The following RASIP1 variants were observed in gnomAD, a reference collection of about 807,000 sequenced individuals.
The protein encoded by RASIP1 is ras-interacting protein 1.
Under a neutral mutation model 85.3 loss-of-function variants are expected in RASIP1, and 20 were observed. The observed-to-expected ratio is 0.23, with a 90% CI of 0.17 to 0.34. The LOEUF (loss-of-function observed/expected upper bound fraction) is 0.34. Among genes scored for constraint, RASIP1 ranks in the 10% least tolerant of loss-of-function variants. The probability of loss-of-function intolerance (pLI) is 1.00; values close to 1 mark genes in which losing one functional copy is unlikely to be tolerated. For synonymous variants in RASIP1, 617 were observed against 647.1 expected (o/e 0.95, Z 0.71); for missense variants, 1,170 against 1,390.9 (o/e 0.84, Z 2.53).
At position 48,729,006 on chromosome 19, in the gene RASIP1, A is replaced by G. The variant is rs1599739071; in HGVS notation, c.1764T>C (p.Arg588=). 1 of 1,451,944 alleles carries G rather than the reference A, an allele frequency of 6.9e-7. No homozygotes were observed. The highest frequency in any genetic ancestry group is 9.0e-7 in the Non-Finnish European group (1 of 1,111,254). 89.9% of individuals were successfully genotyped at this position (1,451,944 alleles called of 1,614,324 possible). ...GTGGCAGGTGGCCCAGCTCCAGCTCACGGGCGGAATGCTGCACGCACAGCG... is the reference window on the plus strand; with the variant it reads ...GTGGCAGGTGGCCCAGCTCCAGCTCGCGGGCGGAATGCTGCACGCACAGCG... ...LLALCVQHSA[R]ELELGHLPRL... Residue 588 remains arginine (R), a synonymous_variant, in exon 5 of 12, where the codon CGT becomes CGC. Transcript: ENST00000222145.
chr19:48,729,709 CTTTTTTTTTTTTTTT>C (rs35424254), intron 4 of RASIP1, 119 bp from the exon 5 acceptor site: 2 of 295,836 alleles, frequency 6.8e-6, no homozygotes, highest in East Asian at 1.1e-4. Context: ...CCTTCTTCTT[CTTTTTTTTTTTTTTT>C]TTTTTTTTGA....
At chr19:48,722,847 T>G (rs1461878562) in intron 10 of RASIP1, among the ~76,000 whole-genome samples, 1 of 152,156 alleles carries the variant, frequency 6.6e-6, no homozygotes, top group Non-Finnish European at 1.5e-5. Flanking sequence ...TGTAAAGTAC[T>G]TGGAACACTG....
Position 48,739,114 on chromosome 19 carries a change from C to A in RASIP1, c.669G>T (p.Ala223=). The A allele has an allele frequency of 7.5e-7, 1 of 1,333,516 alleles. No individual in the cohort carries two copies. The highest frequency in any genetic ancestry group is 2.0e-5 in the South Asian group (1 of 51,108). 82.6% of individuals were successfully genotyped at this position (1,333,516 alleles called of 1,614,324 possible). The change falls in exon 3 of 12, where the codon GCG becomes GCT. Residue 223 remains alanine, a synonymous_variant. Transcript: ENST00000222145. The surrounding 1 kb of genome is among the most constrained non-coding windows in gnomAD (Gnocchi z 9.2). ...AAGVGSGEWR[A]EHLRVLGDSE... is the part of the protein sequence containing the mutation. Reference sequence around the variant, plus strand: ...AGTCGCCCAGCACGCGCAGGTGCTCCGCCCGCCACTCGCCGCTTCCCACGC... The same window carrying A: ...AGTCGCCCAGCACGCGCAGGTGCTCAGCCCGCCACTCGCCGCTTCCCACGC...
Position 48,735,509 on chromosome 19 carries a change from C to A in RASIP1, c.866G>T (p.Arg289Leu). 4 of 1,549,784 alleles carry A rather than the reference C, an allele frequency of 2.6e-6. No individual in the cohort carries two copies. Among genetic ancestry groups the A allele is most frequent in the Non-Finnish European group, 3.5e-6 (4 of 1,146,418 alleles). ...PSWRPQKNRS[R>L]AASGGAALAS... ...CAGCGCTGCCCCACCCGACGCCGCC[C>A]GGGAGCGGTTCTTCTGTGGCCGCCA... The change falls in exon 4 of 12, where the codon CGG (arginine) becomes CTG (leucine). Residue 289 changes from arginine to leucine, a missense_variant. By Grantham distance (102) the Arg-to-Leu change is moderately radical. Coordinates refer to ENST00000222145, the MANE Select transcript of RASIP1 (RefSeq NM_017805.3).
intron 6 of RASIP1, 48 bp downstream of exon 6, chr19:48,727,345 C>T: frequency 6.2e-7 from 1 of 1,602,698 alleles, no homozygotes; most frequent in Non-Finnish European, 8.5e-7. Context: ...AGACGCAAAA[C>T]CCAACCCCTG....
rs2033353929 is a variant in RASIP1 at position 48,727,043 on chromosome 19, TCTC to T, written c.1984_1986del (p.Glu662del). On this transcript the variant is annotated inframe_deletion, in exon 7 of 12. Transcript: ENST00000222145. ...GCCTCCTTCTCCATTTCCAGCACCT[TCTC>T]CTGCACAAAGCTAAGCAGCTCCGTG... 2 of 1,614,052 alleles carry T rather than the reference TCTC, an allele frequency of 1.2e-6. No homozygotes were observed. The highest frequency in any genetic ancestry group is 1.7e-6 in the Non-Finnish European group (2 of 1,180,020).
At chr19:48,726,921 C>T (rs1400567544) in intron 7 of RASIP1, 33 bp from the exon 8 acceptor site, 1 of 1,608,960 alleles carries the variant, frequency 6.2e-7, no homozygotes, top group East Asian at 2.2e-5. Flanking sequence ...GAGGGAGAAC[C>T]AGAAGTCGGC....
At chr19:48,732,278 C>T (rs902044478) in intron 4 of RASIP1, among the ~76,000 whole-genome samples, 4 of 148,858 alleles carry the variant, frequency 2.7e-5, no homozygotes, top group African/African-American at 7.4e-5. Context: ...TTTTTTAAGA[C>T]GGAGTCTCTC....
At chr19:48,726,734 G>A (rs762152540) in intron 8 of RASIP1, 51 bp downstream of exon 8, 4 of 1,389,570 alleles carry the variant, frequency 2.9e-6, no homozygotes, top group Non-Finnish European at 4.0e-6. Context: ...GATATTACGT[G>A]AAACAGGAAG....
At chr19:48,728,808 T>G (rs1599738760) in intron 5 of RASIP1, 129 bp downstream of exon 5, 2 of 1,057,660 alleles carry the variant, frequency 1.9e-6, no homozygotes, top group Non-Finnish European at 2.5e-6. Flanking sequence ...AAACCCCAAA[T>G]CCTTCCCGAG....
Position 48,724,846 on chromosome 19 carries a change from G to A in RASIP1, c.2242C>T (p.Leu748=). 6.2e-7 allele frequency: 1 copy of A among 1,614,246 alleles called. No homozygotes were observed. The highest frequency in any genetic ancestry group is 8.5e-7 in the Non-Finnish European group (1 of 1,180,048). The change falls in exon 9 of 12, where the codon CTG becomes TTG. Residue 748 remains leucine (L), a synonymous_variant. Coordinates refer to ENST00000222145, the MANE Select transcript of RASIP1 (RefSeq NM_017805.3). This position sits in a 1 kb window ranked among gnomAD's most constrained non-coding sequence, Gnocchi z 4.6. ...GAMPPGLRPT[L]GVFQAALELT... The stretch of plus-strand genomic sequence containing the variant: ...TCCAAGGCTGCCTGGAACACGCCCA[G>A]GGTAGGTCTCAATCCTGGAGGCATG...
At chr19:48,734,470 C>T (rs549950500) in intron 4 of RASIP1, among the ~76,000 whole-genome samples, 5 of 140,466 alleles carry the variant, frequency 3.6e-5, no homozygotes, top group Non-Finnish European at 6.2e-5. Flanking sequence ...CACACCACCA[C>T]GCCCGGCTTT....
chr19:48,726,516 G>A (rs565383058), intron 8 of RASIP1, among the ~76,000 whole-genome samples: 7 of 152,304 alleles, frequency 4.6e-5, no homozygotes, highest in East Asian at 1.9e-4. Context: ...GTGAGCCACC[G>A]CGTTTGCCCA....
intron 4 of RASIP1, among the ~76,000 whole-genome samples, chr19:48,731,042 A>T (rs412712): frequency 0.43 from 65,693 of 151,906 alleles, 14,943 homozygotes; most frequent in East Asian, 0.83. Context: ...GTGGAGACCA[A>T]GGCCGGCAGA....
At chr19:48,721,819 T>G (rs1412958330) in intron 11 of RASIP1, 35 bp downstream of exon 11, 1 of 1,562,994 alleles carries the variant, frequency 6.4e-7, no homozygotes, top group Admixed American at 1.9e-5. Flanking sequence ...AGAAGAAAGC[T>G]GACAGCCCCA....
In RASIP1 at chr19:48,720,753, A is replaced by T. The variant is rs746678297; in HGVS notation, c.*45T>A. On this transcript the variant is annotated 3_prime_UTR_variant, in exon 12 of 12. Coordinates refer to ENST00000222145, the MANE Select transcript of RASIP1 (RefSeq NM_017805.3). ...GCTCAGGCGGGCTCCTGTCCGTAGA[A>T]GCCCGTGACATTTCAAGGTTCGCGC... The T allele has an allele frequency of 1.3e-6, 2 of 1,591,314 alleles. No homozygotes were observed. Among genetic ancestry groups the T allele is most frequent in the African/African-American group, 1.3e-5 (1 of 74,500 alleles).
chr19:48,724,894 C>G lies in RASIP1; in HGVS notation c.2194G>C (p.Gly732Arg), dbSNP rs777014384. 16 of 1,614,104 alleles carry G rather than the reference C, an allele frequency of 9.9e-6. No individual in the cohort carries two copies. The East Asian group carries it at 3.3e-4, about 34-fold the overall frequency. Residue 732 changes from glycine to arginine, a missense_variant, in exon 9 of 12, where the codon GGG becomes CGG. By Grantham distance (125) the Gly-to-Arg change is moderately radical. Transcript: ENST00000222145. This position sits in a 1 kb window ranked among gnomAD's most constrained non-coding sequence, Gnocchi z 4.6. ...NPFTAGAELP[G>R]PGAELGAMPP... ...ATGGCCCCCAGCTCCGCGCCAGGCC[C>G]CGGCAGCTCTGCACCAGCTGTGAAA... is the stretch of plus-strand genomic sequence containing the variant.
rs910870943 is a variant in RASIP1 at position 48,727,115 on chromosome 19, C to T, written c.1915G>A (p.Val639Met). 3.7e-6 allele frequency: 6 copies of T among 1,614,100 alleles called. No homozygotes were observed. In the African/African-American group the frequency reaches 8.0e-5, roughly 22 times the overall value. Residue 639 changes from valine (V) to methionine (M), a missense_variant, in exon 7 of 12, where the codon GTG (valine) becomes ATG (methionine). This residue lies in a region of RASIP1 where 426 missense variants were observed against 576.2 expected (regional missense o/e 0.74). Transcript: ENST00000222145. ...VPEVPLTPEA[V>M]SVELRPLMLW... ...ATGAGTGGCCGCAGCTCCACAGACA[C>T]AGCTTCAGGAGTCAGGGGCACCTCG... is the stretch of plus-strand genomic sequence containing the variant.
In RASIP1 at chr19:48,724,629, G is replaced by A; in HGVS notation, c.2371+88C>T. 1 of 1,580,820 alleles carries A rather than the reference G, an allele frequency of 6.3e-7. No homozygotes were observed. Among genetic ancestry groups the A allele is most frequent in the East Asian group, 2.2e-5 (1 of 44,544 alleles). ...CTTGTTCTCCAGGGTACCCAAAGGTGAGGCTTGAGCCCGTGGTGTGTCTAA... is the reference window on the plus strand; with the variant it reads ...CTTGTTCTCCAGGGTACCCAAAGGTAAGGCTTGAGCCCGTGGTGTGTCTAA... On this transcript the variant is annotated intron_variant, in intron 9 of 11. Transcript: ENST00000222145. This position sits in a 1 kb window ranked among gnomAD's most constrained non-coding sequence, Gnocchi z 4.6.
Sources: gnomAD v4.1 joint callset for allele counts (sites outside exome capture counted in the v4.1 genomes callset) on GRCh38, gnomAD v4.1.1 for gene constraint, gnomAD v4.1.1 regional missense constraint, Gnocchi (gnomAD v3.1) non-coding constraint, MANE v1.5 for transcripts, NCBI Gene and HGNC (gene_info 2026-07-23, HGNC 2026-07-21) for gene names.